Variants in SLC12A1 observed in about 807,000 individuals in gnomAD.
SLC12A1 encodes solute carrier family 12 member 1.
A neutral mutation model predicts 130.4 loss-of-function variants in SLC12A1; 89 were observed. The observed-to-expected ratio is 0.68, with a 90% CI of 0.58 to 0.81. SLC12A1 has a LOEUF of 0.81. Among genes scored for constraint, SLC12A1 ranks in the 40% least tolerant of loss-of-function variants. The pLI is 0.00. For missense variants in SLC12A1, 1,310 were observed against 1,336.4 expected (o/e 0.98, Z 0.31); for synonymous variants, 499 against 460.0 (o/e 1.08, Z -1.09).
rs534271146 is a variant in SLC12A1, at chr15:48,229,219, T to C, written c.755T>C (p.Leu252Ser). The change falls in exon 6 of 27, where the codon TTA becomes TCA. Residue 252 changes from leucine to serine, a missense_variant. Coordinates refer to ENST00000380993, the MANE Select transcript of SLC12A1 (RefSeq NM_000338.3). ...GCCTACTATCTTATTTCCAGAAGTTTAGGGCCCGAGTTCGGTGGGTCAATA... is the reference window on the plus strand; with the variant it reads ...GCCTACTATCTTATTTCCAGAAGTTCAGGGCCCGAGTTCGGTGGGTCAATA... ...GGAYYLISRS[L>S]GPEFGGSIGL... The C allele has an allele frequency of 4.4e-6, 7 of 1,591,174 alleles. No individual in the cohort carries two copies. In the South Asian group the frequency reaches 6.9e-5, roughly 16 times the overall value.
intron 24 of SLC12A1, among the ~76,000 whole-genome samples, chr15:48,293,614 T>C (rs2042143170): frequency 6.6e-6 from 1 of 152,242 alleles, no homozygotes; most frequent in African/African-American, 2.4e-5. Context: ...ATTGCTATTC[T>C]ATATGAGCTT....
chr15:48,260,021 G>A (rs1490228184), intron 17 of SLC12A1, among the ~76,000 whole-genome samples: 12 of 151,810 alleles, frequency 7.9e-5, no homozygotes, highest in African/African-American at 2.9e-4. Context: ...TAATCCCAGC[G>A]CTTTGGGAGG....
chr15:48,269,419 G>T (rs377514985), intron 18 of SLC12A1, among the ~76,000 whole-genome samples: 1 of 152,122 alleles, frequency 6.6e-6, no homozygotes, highest in South Asian at 2.1e-4. Context: ...GCAAATGACT[G>T]CTAATTTAGA....
intron 25 of SLC12A1, among the ~76,000 whole-genome samples, chr15:48,300,768 T>C (rs931681121): frequency 6.6e-6 from 1 of 152,220 alleles, no homozygotes; most frequent in Non-Finnish European, 1.5e-5. Flanking sequence ...TTTTTCCAAG[T>C]GAGTCTTTTG....
chr15:48,289,096 T>TAA (rs112086075), intron 23 of SLC12A1, among the ~76,000 whole-genome samples: 210 of 146,278 alleles, frequency 1.4e-3, no homozygotes, highest in Non-Finnish European at 2.3e-3. Flanking sequence ...AACTCTTAAT[T>TAA]AAAAAAAAAA....
intron 16 of SLC12A1, among the ~76,000 whole-genome samples, chr15:48,257,669 G>A (rs1190493339): frequency 6.6e-6 from 1 of 152,174 alleles, no homozygotes; most frequent in Non-Finnish European, 1.5e-5. Flanking sequence ...GAGCAGCTAG[G>A]ACAAAGGGCA....
At position 48,299,160 on chromosome 15, in the gene SLC12A1, T is replaced by C. The variant is rs1455527641; in HGVS notation, c.2981T>C (p.Met994Thr). The part of the protein sequence containing the change: ...NKESWKVFEE[M>T]IEPYRLHESC... The stretch of plus-strand genomic sequence containing the variant: ...TTTAGCTGGAAAGTCTTTGAAGAGA[T>C]GATTGAACCATATCGTCTCCATGAA... The change falls in exon 25 of 27, where the codon ATG becomes ACG. Residue 994 changes from methionine (M) to threonine (T), a missense_variant. By Grantham distance (81) the Met-to-Thr change is moderately conservative. Coordinates refer to ENST00000380993, the MANE Select transcript of SLC12A1 (RefSeq NM_000338.3). 6.2e-7 allele frequency: 1 copy of C among 1,604,044 alleles called. No homozygotes were observed. Among genetic ancestry groups the C allele is most frequent in the Non-Finnish European group, 8.5e-7 (1 of 1,177,136 alleles).
chr15:48,267,609 A>C lies in SLC12A1; in HGVS notation c.2203A>C (p.Lys735Gln). 6.2e-7 allele frequency: 1 copy of C among 1,613,636 alleles called. No individual in the cohort carries two copies. The highest frequency in any genetic ancestry group is 8.5e-7 in the Non-Finnish European group (1 of 1,179,634). Residue 735 changes from lysine to glutamine, a missense_variant, in exon 18 of 27, where the codon AAA becomes CAA. Coordinates refer to ENST00000380993, the MANE Select transcript of SLC12A1 (RefSeq NM_000338.3). Reference sequence around the variant, plus strand: ...GGAGATGAACAGTGGCATGGCGAAAAAACAGGCCTGGCTTATAAAGAACAA... The same window carrying C: ...GGAGATGAACAGTGGCATGGCGAAACAACAGGCCTGGCTTATAAAGAACAA... ...VKEMNSGMAK[K>Q]QAWLIKNKIK...
At chr15:48,242,998 C>A (rs1567318657) in intron 10 of SLC12A1, among the ~76,000 whole-genome samples, 1 of 151,854 alleles carries the variant, frequency 6.6e-6, no homozygotes, top group Admixed American at 6.6e-5. Context: ...AGGTATAGAC[C>A]TGATTTCAGA....
rs558319093 is a variant in SLC12A1 at position 48,237,553 on chromosome 15, T to C, written c.1215+2549T>C. ...ATGCTGAGTTCACATGTAAAGAAAC[T>C]ACAAACAATGGCCTGTTAAGATTTT... On this transcript the variant is annotated intron_variant, in intron 9 of 26. Coordinates refer to ENST00000380993, the MANE Select transcript of SLC12A1 (RefSeq NM_000338.3). Among the ~76,000 whole-genome samples the C allele has an allele frequency of 3.9e-5, 6 of 152,320 alleles. No individual in the cohort carries two copies. The South Asian group carries it at 1.2e-3, about 32-fold the overall frequency.
chr15:48,223,252 G>T (rs139843423), intron 4 of SLC12A1: 11 of 152,292 alleles, frequency 7.2e-5, no homozygotes, highest in Admixed American at 6.5e-4. Flanking sequence ...AGAATTATCT[G>T]GGAAGTTAGG....
chr15:48,213,621 A>G (rs907118499), intron 2 of SLC12A1, among the ~76,000 whole-genome samples: 1 of 151,020 alleles, frequency 6.6e-6, no homozygotes, highest in African/African-American at 2.4e-5. Context: ...CTCCTGCCTC[A>G]GCCTCCTGAG....
At chr15:48,302,716 C>CT (rs1835292987) in intron 26 of SLC12A1, 34 bp from the exon 27 acceptor site, 1 of 1,526,930 alleles carries the variant, frequency 6.5e-7, no homozygotes, top group Admixed American at 1.9e-5. Flanking sequence ...GTAATTTTCA[C>CT]TTTCATTTTT....
intron 24 of SLC12A1, among the ~76,000 whole-genome samples, chr15:48,292,375 A>G (rs1439091316): frequency 1.3e-5 from 2 of 152,220 alleles, no homozygotes; most frequent in Non-Finnish European, 2.9e-5. Flanking sequence ...GGGGACGTCT[A>G]AAACTATTTG....
intron 20 of SLC12A1, among the ~76,000 whole-genome samples, chr15:48,281,824 T>C (rs996928926): frequency 2.6e-5 from 4 of 152,236 alleles, no homozygotes; most frequent in African/African-American, 7.2e-5. Context: ...AATCAACTTA[T>C]ATCCATTCGT....
At chr15:48,273,723 T>C (rs2041921677) in intron 19 of SLC12A1, among the ~76,000 whole-genome samples, 1 of 152,172 alleles carries the variant, frequency 6.6e-6, no homozygotes, top group African/African-American at 2.4e-5. Flanking sequence ...GTATACCAAA[T>C]GAAAATTCAG....
At chr15:48,221,361 G>T in intron 4 of SLC12A1, 1 of 701,736 alleles carries the variant, frequency 1.4e-6, no homozygotes, top group East Asian at 2.7e-5. Context: ...GGCATGATTG[G>T]TAAAACTTCA....
chr15:48,273,825 G>A (rs1377951406), intron 19 of SLC12A1, among the ~76,000 whole-genome samples: 1 of 152,094 alleles, frequency 6.6e-6, no homozygotes, highest in East Asian at 1.9e-4. Context: ...TTAAGTTTTA[G>A]ATCCATAGAA....
At chr15:48,291,262 A>G (rs1333249295) in intron 23 of SLC12A1, among the ~76,000 whole-genome samples, 1 of 147,928 alleles carries the variant, frequency 6.8e-6, no homozygotes, top group African/African-American at 2.5e-5. Context: ...ATATATATAT[A>G]TGTGAGGTTT....
Sources: allele counts gnomAD v4.1 joint callset (sites outside exome capture counted in the v4.1 genomes callset), GRCh38; gene constraint gnomAD v4.1.1; transcripts MANE v1.5; gene names NCBI Gene and HGNC (gene_info 2026-07-23, HGNC 2026-07-21).